The following SOS2 variants were observed in gnomAD, a reference collection of about 807,000 sequenced individuals.
SOS2 encodes the protein son of sevenless homolog 2.
Under a neutral mutation model 148.2 loss-of-function variants are expected in SOS2, and 65 were observed. The ratio of observed to expected loss-of-function variants is 0.44; its 90% CI spans 0.36 to 0.54. The LOEUF (loss-of-function observed/expected upper bound fraction) is 0.54, where lower values mean the gene tolerates loss of function less well. Ranked by LOEUF, SOS2 falls within the 20% of genes least tolerant of loss-of-function variation. The probability of loss-of-function intolerance (pLI) is 0.00; values close to 1 mark genes in which losing one functional copy is unlikely to be tolerated. For missense variants in SOS2, 1,341 were observed against 1,590.2 expected (o/e 0.84, Z 2.67); for synonymous variants, 539 against 537.1 (o/e 1.00, Z -0.05).
chr14:50,184,183 A>G (rs556526234), intron 5 of SOS2, among the ~76,000 whole-genome samples: 1 of 152,334 alleles, frequency 6.6e-6, no homozygotes, highest in Non-Finnish European at 1.5e-5. Flanking sequence ...AGATAGCCAT[A>G]TATCTAGGAT....
At chr14:50,191,800 T>C (rs989470352) in intron 4 of SOS2, among the ~76,000 whole-genome samples, 2 of 152,182 alleles carry the variant, frequency 1.3e-5, no homozygotes, top group Non-Finnish European at 2.9e-5. Context: ...ATGAAAAGTC[T>C]GGGATTTACA....
At chr14:50,224,312 TATACACACACACAC>T (rs1887294150) in intron 1 of SOS2, among the ~76,000 whole-genome samples, 15 of 53,248 alleles carry the variant, frequency 2.8e-4, no homozygotes, top group African/African-American at 4.4e-4. Flanking sequence ...AAAATATATA[TATACACACACACAC>T]ACACACACAC....
Position 50,130,506 on chromosome 14 carries a change from G to A in SOS2, c.3332C>T (p.Ser1111Phe). The change falls in exon 20 of 23, where the codon TCC becomes TTC. Residue 1111 changes from serine (S) to phenylalanine (F), a missense_variant. By Grantham distance (155) the Ser-to-Phe change is radical (BLOSUM62 -2). Around this residue, in one of 4 missense-constraint regions of SOS2, gnomAD observed 354 missense variants for 347.7 expected, o/e 1.02. Transcript: ENST00000216373. ...SVFLDVDLNS[S>F]CGSNSIFAPV... is the part of the protein sequence containing the mutation. ...GGTTTACATCAAATACTTACCACAG[G>A]AGCTGTTGAGATCCACATCTAAAAA... is the stretch of plus-strand genomic sequence containing the variant. 2 of 1,613,374 alleles carry A rather than the reference G, an allele frequency of 1.2e-6. No individual in the cohort carries two copies. Among genetic ancestry groups the A allele is most frequent in the Non-Finnish European group, 1.7e-6 (2 of 1,179,530 alleles).
intron 1 of SOS2, among the ~76,000 whole-genome samples, chr14:50,211,289 C>A (rs1159911769): frequency 6.6e-6 from 1 of 152,142 alleles, no homozygotes; most frequent in African/African-American, 2.4e-5. Context: ...TCAACTTCAT[C>A]TGTTTCTTCT....
chr14:50,126,403 C>A (rs1314497367), intron 21 of SOS2, among the ~76,000 whole-genome samples: 1 of 152,086 alleles, frequency 6.6e-6, no homozygotes, highest in Non-Finnish European at 1.5e-5. Context: ...CCTGCCCAGC[C>A]ACTGGATATG....
At chr14:50,201,430 AAGCTG>A (rs1886482862) in intron 2 of SOS2, among the ~76,000 whole-genome samples, 1 of 151,352 alleles carries the variant, frequency 6.6e-6, no homozygotes, top group Non-Finnish European at 1.5e-5. Flanking sequence ...GCTACTTCAG[AAGCTG>A]AGGTGGGAGG....
chr14:50,228,937 A>C (rs1887459620), intron 1 of SOS2, among the ~76,000 whole-genome samples: 1 of 152,360 alleles, frequency 6.6e-6, no homozygotes, highest in East Asian at 1.9e-4. Context: ...AAGGAGAGAG[A>C]TATTCCAATC....
intron 21 of SOS2, among the ~76,000 whole-genome samples, chr14:50,126,221 A>AT (rs971476436): frequency 6.6e-5 from 10 of 152,118 alleles, no homozygotes; most frequent in African/African-American, 1.7e-4. Context: ...AACAAAACAA[A>AT]TTTTTTTTCA....
chr14:50,202,136 T>C (rs141015486), intron 2 of SOS2, among the ~76,000 whole-genome samples: 2 of 152,320 alleles, frequency 1.3e-5, no homozygotes, highest in East Asian at 1.9e-4. Flanking sequence ...CTAATTTTTC[T>C]ATTTTTTGTA....
chr14:50,119,181 G>A (rs1468191256), intron 22 of SOS2, among the ~76,000 whole-genome samples: 1 of 152,202 alleles, frequency 6.6e-6, no homozygotes, highest in African/African-American at 2.4e-5. Context: ...ATGATGTCTA[G>A]AGGACTTTAA....
intron 19 of SOS2, 127 bp downstream of exon 19, chr14:50,133,996 A>G: frequency 4.4e-6 from 3 of 678,410 alleles, no homozygotes; most frequent in Non-Finnish European, 2.7e-6. Context: ...TAGAAATAGT[A>G]TATTACTGCA....
chr14:50,212,058 C>T (rs1194966394), intron 1 of SOS2, among the ~76,000 whole-genome samples: 3 of 152,106 alleles, frequency 2.0e-5, no homozygotes, highest in African/African-American at 4.8e-5. Context: ...AAAAAGAATA[C>T]ATACAATGGG....
At chr14:50,186,436 G>T (rs1458460854) in intron 5 of SOS2, among the ~76,000 whole-genome samples, 2 of 151,934 alleles carry the variant, frequency 1.3e-5, no homozygotes, top group African/African-American at 4.8e-5. Context: ...ATTATAACGT[G>T]GTAGAAAAGA....
rs73285531 is a variant in SOS2, at chr14:50,174,659, A to G, written c.970-107T>C. ...TAAAAATTTGAGATACAGACTTATCAAAACTACAACAGAATGCATATTCTA... is the reference window on the plus strand; with the variant it reads ...TAAAAATTTGAGATACAGACTTATCGAAACTACAACAGAATGCATATTCTA... On this transcript the variant is annotated intron_variant, in intron 7 of 22. Transcript: ENST00000216373. 3,399 of 511,934 alleles carry G rather than the reference A, an allele frequency of 6.6e-3. 94 individuals carry two copies. Among genetic ancestry groups the G allele is most frequent in the African/African-American group, 0.058 (3,022 of 52,154 alleles). The allele number at this position is 511,934 out of a possible 1,614,324, so 31.7% of individuals were successfully genotyped here.
intron 18 of SOS2, among the ~76,000 whole-genome samples, chr14:50,136,791 C>G (rs999347365): frequency 7.9e-5 from 12 of 151,910 alleles, no homozygotes; most frequent in African/African-American, 2.9e-4. Context: ...AGTTTCACCA[C>G]GTTGGCCAGG....
chr14:50,161,727 TAATA>T (rs1167343644), intron 8 of SOS2, 118 bp from the exon 9 acceptor site: 4 of 804,976 alleles, frequency 5.0e-6, no homozygotes, highest in Non-Finnish European at 7.6e-6. Flanking sequence ...TATATATACT[TAATA>T]AAAACAGCTA....
chr14:50,153,829 T>C (rs1277039339), intron 12 of SOS2, among the ~76,000 whole-genome samples: 1 of 152,160 alleles, frequency 6.6e-6, no homozygotes, highest in Non-Finnish European at 1.5e-5. Context: ...GCCAGGCTGG[T>C]CTCGAACTCC....
In SOS2 at chr14:50,231,454, G is replaced by A. The variant is rs1426799822; in HGVS notation, c.-171C>T. On this transcript the variant is annotated 5_prime_UTR_variant, in exon 1 of 23. Coordinates refer to ENST00000216373, the MANE Select transcript of SOS2 (RefSeq NM_006939.4). Reference sequence around the variant, plus strand: ...CGCCGGCGGGCTGGCGGAGACCCCGGGGTCGGCTTCCTCCGCCGAGGCGGC... The same window carrying A: ...CGCCGGCGGGCTGGCGGAGACCCCGAGGTCGGCTTCCTCCGCCGAGGCGGC... 2 of 151,730 alleles carry A rather than the reference G, an allele frequency of 1.3e-5. No individual in the cohort carries two copies. The highest frequency in any genetic ancestry group is 1.3e-4 in the Admixed American group (2 of 15,062). The allele number at this position is 151,730 out of a possible 1,614,324, so 9.4% of individuals were successfully genotyped here. A position where few individuals can be genotyped will look rare whatever the true frequency, so the allele number is the denominator to read the frequency against.
At chr14:50,187,645 G>A (rs529331610) in intron 5 of SOS2, among the ~76,000 whole-genome samples, 3 of 151,952 alleles carry the variant, frequency 2.0e-5, no homozygotes, top group South Asian at 2.1e-4. Flanking sequence ...CACTGCACCC[G>A]GTCAAGACTA....
Sources: gnomAD v4.1 joint callset for allele counts (sites outside exome capture counted in the v4.1 genomes callset) on GRCh38, gnomAD v4.1.1 for gene constraint, gnomAD v4.1.1 regional missense constraint, MANE v1.5 for transcripts, NCBI Gene and HGNC (gene_info 2026-07-23, HGNC 2026-07-21) for gene names.